The following MYH7B variants were observed in gnomAD, a reference collection of about 807,000 sequenced individuals.
MYH7B encodes myosin-7B.
MYH7B carries 205 observed loss-of-function variants against 234.5 expected under a neutral mutation model. The observed-to-expected ratio is 0.87, with a 90% confidence interval of 0.78 to 0.98. The LOEUF (loss-of-function observed/expected upper bound fraction) is 0.98. Among genes scored for constraint, MYH7B ranks in the 50% least tolerant of loss-of-function variants. The probability of loss-of-function intolerance (pLI) is 0.00; values close to 1 mark genes in which losing one functional copy is unlikely to be tolerated. For synonymous variants in MYH7B, 1,193 were observed against 1,105.0 expected, an observed-to-expected ratio of 1.08 and a Z score of -1.58; for missense variants, 2,652 against 2,633.4, an observed-to-expected ratio of 1.01 and a Z score of -0.15.
chr20:34,961,720 T>C (rs1215705565), intron 2 of MYH7B, among the ~76,000 whole-genome samples: 3 of 152,270 alleles, frequency 2.0e-5, no homozygotes, highest in Admixed American at 1.3e-4. Context: ...CTTTTCTGAA[T>C]ATTTCCTGTA....
chr20:34,992,181 C>G (rs542281287), intron 24 of MYH7B, among the ~76,000 whole-genome samples: 4 of 152,116 alleles, frequency 2.6e-5, no homozygotes, highest in Admixed American at 2.0e-4. Context: ...GTCAGGAGAT[C>G]GAGACCATCC....
intron 19 of MYH7B, among the ~76,000 whole-genome samples, chr20:34,989,290 C>T (rs1181066470): frequency 6.6e-6 from 1 of 152,184 alleles, no homozygotes; most frequent in Non-Finnish European, 1.5e-5. Context: ...AATATTATGT[C>T]AGCACTGAAG....
chr20:34,992,429 G>T (rs531349850), intron 24 of MYH7B, among the ~76,000 whole-genome samples: 36 of 150,616 alleles, frequency 2.4e-4, no homozygotes, highest in Non-Finnish European at 1.3e-4. Context: ...TGTTTCTTCA[G>T]TGATAGGGTA....
At chr20:34,986,294 C>G in intron 14 of MYH7B, 96 bp downstream of exon 14, 1 of 932,248 alleles carries the variant, frequency 1.1e-6, no homozygotes. Flanking sequence ...GGTGGTCTTT[C>G]CCTCCCTGTC....
chr20:34,967,808 GC>G (rs1175888174), intron 2 of MYH7B, among the ~76,000 whole-genome samples: 2 of 152,210 alleles, frequency 1.3e-5, no homozygotes, highest in Non-Finnish European at 2.9e-5. Flanking sequence ...AACTGACCAA[GC>G]CTGGGGCAAG....
Position 34,986,800 on chromosome 20 carries a change from C to T in MYH7B, c.905-86C>T, listed in dbSNP as rs202013915. 5.2e-5 allele frequency: 60 copies of T among 1,144,466 alleles called. No individual in the cohort carries two copies. The East Asian group carries it at 6.6e-4, about 13-fold the overall frequency. The allele number at this position is 1,144,466 out of a possible 1,614,324, so 70.9% of individuals were successfully genotyped here. A position where few individuals can be genotyped will look rare whatever the true frequency, so the allele number is the denominator to read the frequency against. On this transcript the variant is annotated intron_variant, in intron 14 of 44. Transcript: ENST00000262873. The stretch of plus-strand genomic sequence containing the variant: ...CCTAGACTCCTGCTGGGCTTGCCCC[C>T]GCAGGACCCCCTATGCTGCAATTGT...
chr20:34,990,311 G>C lies in MYH7B; in HGVS notation c.1977+1G>C. Reference sequence around the variant, plus strand: ...CCAGACGGTGTCCCAGCTGCACAAGGTAAGGCCCCATCTGGGAGACAGACC... The same window carrying C: ...CCAGACGGTGTCCCAGCTGCACAAGCTAAGGCCCCATCTGGGAGACAGACC... On this transcript the variant is annotated splice_donor_variant, in intron 22 of 44. Coordinates refer to ENST00000262873, the Ensembl canonical transcript of MYH7B. LOFTEE classifies it high-confidence loss of function. The C allele has an allele frequency of 1.2e-6, 2 of 1,614,136 alleles. No individual in the cohort carries two copies. Among genetic ancestry groups the C allele is most frequent in the African/African-American group, 2.7e-5 (2 of 75,050 alleles).
intron 32 of MYH7B, 74 bp downstream of exon 32, chr20:34,997,714 C>G: frequency 6.4e-7 from 1 of 1,553,128 alleles, no homozygotes; most frequent in Non-Finnish European, 8.7e-7. Context: ...AATACTGTTC[C>G]CACACCAGCC....
chr20:34,997,031 C>A (rs1166720699), intron 30 of MYH7B, 52 bp from the exon 31 acceptor site: 3 of 1,494,560 alleles, frequency 2.0e-6, no homozygotes, highest in Non-Finnish European at 2.7e-6. Flanking sequence ...GGGTCCCAGG[C>A]GGGTGGGTGG....
chr20:34,971,643 G>GT (rs1456632442), intron 2 of MYH7B, among the ~76,000 whole-genome samples: 5 of 152,122 alleles, frequency 3.3e-5, no homozygotes, highest in Admixed American at 6.6e-5. Flanking sequence ...ACCTTGCACT[G>GT]GGACCATTAT....
At chr20:34,999,999 A>G in intron 38 of MYH7B, 93 bp downstream of exon 38, 1 of 1,231,782 alleles carries the variant, frequency 8.1e-7, no homozygotes, top group South Asian at 1.3e-5. Flanking sequence ...CTCCCATGGG[A>G]CTTTGAGGTC....
chr20:34,979,879 C>T (rs2081916703), intron 7 of MYH7B, 75 bp downstream of exon 7: 9 of 1,328,808 alleles, frequency 6.8e-6, no homozygotes, highest in Admixed American at 2.1e-5. Context: ...GTGCTGGGGG[C>T]GGGCCCATAG....
intron 7 of MYH7B, chr20:34,980,332 T>A (rs2081923094): frequency 6.9e-6 from 3 of 432,910 alleles, no homozygotes; most frequent in Non-Finnish European, 1.3e-5. Context: ...GCGGATCACC[T>A]GACGTCAGAA....
At chr20:34,990,184 GC>G (rs1569048303) in intron 21 of MYH7B, 38 bp downstream of exon 21, 1 of 1,614,116 alleles carries the variant, frequency 6.2e-7, no homozygotes, top group South Asian at 1.1e-5. Context: ...TCTGACAGGG[GC>G]CCACAGAGCG....
intron 24 of MYH7B, 95 bp from the exon 25 acceptor site, chr20:34,993,007 C>T (rs78921923): frequency 1.4e-6 from 2 of 1,475,164 alleles, no homozygotes; most frequent in African/African-American, 1.4e-5. Flanking sequence ...CCCCTGCTAC[C>T]CACACGAGCC....
At chr20:34,997,252 C>G in exon 32 of MYH7B, 2 of 1,557,788 alleles carry the variant, frequency 1.3e-6, no homozygotes, top group Non-Finnish European at 1.7e-6. Context: ...CCACCCCAGG[C>G]TCGGGCGGAG....
chr20:34,997,737 CTTATCCT>C, intron 32 of MYH7B, 97 bp downstream of exon 32: 1 of 1,450,860 alleles, frequency 6.9e-7, no homozygotes. Flanking sequence ...CACCCAGTAC[CTTATCCT>C]GAGCCCTGAC....
chr20:34,983,823 T>TG (rs1228434619), intron 10 of MYH7B, among the ~76,000 whole-genome samples: 2 of 152,192 alleles, frequency 1.3e-5, no homozygotes, highest in African/African-American at 4.8e-5. Context: ...GGTGAATGAA[T>TG]GACCACAAAG....
chr20:35,000,994 A>G (rs1383034159), exon 41 of MYH7B: 5 of 1,613,756 alleles, frequency 3.1e-6, no homozygotes, highest in East Asian at 4.5e-5. Flanking sequence ...ACAGGCGGCC[A>G]TGATGGCCGA....
Sources: allele counts gnomAD v4.1 joint callset (sites outside exome capture counted in the v4.1 genomes callset), GRCh38; gene constraint gnomAD v4.1.1; transcripts MANE v1.5; gene names NCBI Gene and HGNC (gene_info 2026-07-23, HGNC 2026-07-21).